UBR1: variants seen among roughly 807,000 people sequenced by gnomAD.
UBR1 encodes ubiquitin protein ligase E3 component n-recognin 1.
A neutral mutation model predicts 242.1 loss-of-function variants in UBR1; 102 were observed. The ratio of observed to expected loss-of-function variants is 0.42; its 90% CI spans 0.36 to 0.50. The LOEUF (loss-of-function observed/expected upper bound fraction) is 0.50, where lower values mean the gene tolerates loss of function less well. UBR1 is among the 20% of genes least tolerant of loss of function. The pLI, the probability that UBR1 is intolerant of heterozygous loss-of-function variation, is 0.01. For missense variants in UBR1, 1,772 were observed against 2,101.8 expected (o/e 0.84, Z 3.07); for synonymous variants, 675 against 684.8 (o/e 0.99, Z 0.22).
intron 14 of UBR1, among the ~76,000 whole-genome samples, chr15:43,044,171 C>A (rs546273363): frequency 6.8e-4 from 103 of 152,198 alleles, no homozygotes; most frequent in Non-Finnish European, 1.3e-3. Flanking sequence ...AGCATTTGAA[C>A]TGGAAATGTG....
At chr15:42,969,759 G>A (rs1275248572) in intron 40 of UBR1, among the ~76,000 whole-genome samples, 2 of 152,082 alleles carry the variant, frequency 1.3e-5, no homozygotes, top group Non-Finnish European at 2.9e-5. Flanking sequence ...TTGCTACAAA[G>A]AGAATACCTA....
chr15:43,066,232 C>T (rs1324353376), intron 6 of UBR1, among the ~76,000 whole-genome samples: 1 of 152,060 alleles, frequency 6.6e-6, no homozygotes, highest in African/African-American at 2.4e-5. Flanking sequence ...GAATCCTTTC[C>T]CCATTGCTTG....
intron 1 of UBR1, among the ~76,000 whole-genome samples, chr15:43,094,345 C>T (rs2034135976): frequency 6.6e-6 from 1 of 151,930 alleles, no homozygotes; most frequent in African/African-American, 2.4e-5. Flanking sequence ...AGGAGAATCG[C>T]TTGAACCTGG....
At position 43,024,953 on chromosome 15, in the gene UBR1, C is replaced by T; in HGVS notation, c.2615G>A (p.Cys872Tyr). ...GTTAATCACTTTGCTGAAAGCAGGG[C>T]AGAATTCAGGAGGTGGTGGTGGCGG... is the stretch of plus-strand genomic sequence containing the variant. ...ALPPPPPPEF[C>Y]PAFSKVINLL... Residue 872 changes from cysteine (C) to tyrosine (Y), a missense_variant, in exon 25 of 47, where the codon TGC (cysteine) becomes TAC (tyrosine). Coordinates refer to ENST00000290650, the MANE Select transcript of UBR1 (RefSeq NM_174916.3). The T allele has an allele frequency of 6.2e-7, 1 of 1,614,100 alleles. No homozygotes were observed. The highest frequency in any genetic ancestry group is 8.5e-7 in the Non-Finnish European group (1 of 1,180,020).
intron 12 of UBR1, among the ~76,000 whole-genome samples, 193 bp from the exon 13 acceptor site, chr15:43,048,684 C>T (rs1285254517): frequency 6.6e-6 from 1 of 152,152 alleles, no homozygotes; most frequent in Non-Finnish European, 1.5e-5. Flanking sequence ...CATGAATGCT[C>T]TAGAAGAGGC....
chr15:43,059,141 G>A lies in UBR1; in HGVS notation c.1037C>T (p.Ser346Leu), dbSNP rs201544896. Reference protein sequence around the residue: ...CQACLREEPDSENPCLISRLM... With the variant: ...CQACLREEPDLENPCLISRLM... ...CCTGCTTATGAGACAGGGATTCTCCGAGTCAGGTTCTTCTCTAAGGCATGC... is the reference window on the plus strand; with the variant it reads ...CCTGCTTATGAGACAGGGATTCTCCAAGTCAGGTTCTTCTCTAAGGCATGC... The change falls in exon 9 of 47, where the codon TCG (serine) becomes TTG (leucine). Residue 346 changes from serine to leucine, a missense_variant. Physicochemically the swap from Ser to Leu is moderately radical, Grantham distance 145 (BLOSUM62 -2). Transcript: ENST00000290650. 62 of 1,614,094 alleles carry A rather than the reference G, an allele frequency of 3.8e-5. No individual in the cohort carries two copies. The East Asian group carries it at 1.0e-3, about 27-fold the overall frequency.
intron 4 of UBR1, among the ~76,000 whole-genome samples, chr15:43,072,927 C>T (rs1316479477): frequency 6.6e-6 from 1 of 152,048 alleles, no homozygotes; most frequent in Non-Finnish European, 1.5e-5. Context: ...CTTTGGGAGG[C>T]CGAGGCAGAT....
At chr15:43,084,096 T>C (rs144517667) in intron 2 of UBR1, among the ~76,000 whole-genome samples, 2 of 152,220 alleles carry the variant, frequency 1.3e-5, no homozygotes, top group Non-Finnish European at 2.9e-5. Context: ...TAACAGGAAA[T>C]ATAGGTTGTC....
intron 18 of UBR1, 49 bp downstream of exon 18, chr15:43,036,479 C>A (rs1350710928): frequency 7.2e-7 from 1 of 1,393,514 alleles, no homozygotes; most frequent in East Asian, 2.3e-5. Context: ...AGAAAGAATT[C>A]AAGAAGGAAG....
At chr15:43,012,760 T>G (rs921296861) in intron 29 of UBR1, among the ~76,000 whole-genome samples, 1 of 152,240 alleles carries the variant, frequency 6.6e-6, no homozygotes, top group African/African-American at 2.4e-5. Context: ...AAAGCATACC[T>G]TCATATCTTT....
rs76172507 is a variant in UBR1 at position 43,105,976 on chromosome 15, G to A, written c.47C>T (p.Ala16Val). 1,311 of 1,614,002 alleles carry A rather than the reference G, an allele frequency of 8.1e-4. 20 individuals carry two copies. In the African/African-American group the frequency reaches 0.015, roughly 19 times the overall value. ...ACGCTGAGGGGTCTGGGGTAACTCCGCGCTGATTTCCATCCTCTCAGTACC... is the reference window on the plus strand; with the variant it reads ...ACGCTGAGGGGTCTGGGGTAACTCCACGCTGATTTCCATCCTCTCAGTACC... ...AGGTERMEISAELPQTPQRLA... is the reference protein window; with the variant it reads ...AGGTERMEISVELPQTPQRLA... Residue 16 changes from alanine (A) to valine (V), a missense_variant, in exon 1 of 47, where the codon GCG becomes GTG. Transcript: ENST00000290650.
chr15:43,083,523 G>A (rs1269695510), intron 2 of UBR1, among the ~76,000 whole-genome samples: 4 of 151,844 alleles, frequency 2.6e-5, no homozygotes, highest in African/African-American at 7.3e-5. Flanking sequence ...TGGGATTACA[G>A]GCATGCGCCA....
chr15:43,060,218 G>A (rs537352618), intron 6 of UBR1, 104 bp from the exon 7 acceptor site: 11 of 1,066,310 alleles, frequency 1.0e-5, no homozygotes, highest in Admixed American at 5.1e-5. Flanking sequence ...AGCTCTAATC[G>A]CGTGTTGACT....
chr15:42,986,929 C>T (rs1364293409), intron 35 of UBR1, among the ~76,000 whole-genome samples: 1 of 152,228 alleles, frequency 6.6e-6, no homozygotes, highest in Non-Finnish European at 1.5e-5. Context: ...CTGAGCCCAC[C>T]CTGAGGATCT....
At position 43,101,968 on chromosome 15, in the gene UBR1, C is replaced by CAAAAAAAAA. The variant is rs55875692; in HGVS notation, c.81+3965_81+3973dup. ...GGCGACAGAGAGAGACCTTGGCTCA[C>CAAAAAAAAA]AAAAAAAAAAAAAAAAAAAAAAAAA... On this transcript the variant is annotated intron_variant, in intron 1 of 46. Transcript: ENST00000290650. 8.4e-5 allele frequency among the ~76,000 whole-genome samples: 5 copies of CAAAAAAAAA among 59,642 alleles called. 1 individual carries two copies. Among genetic ancestry groups the CAAAAAAAAA allele is most frequent in the Non-Finnish European group, 1.1e-4 (4 of 36,558 alleles). The allele number at this position is 59,642 out of a possible 152,430, so 39.1% of individuals were successfully genotyped here. A position where few individuals can be genotyped will look rare whatever the true frequency, so the allele number is the denominator to read the frequency against.
intron 1 of UBR1, among the ~76,000 whole-genome samples, chr15:43,100,660 C>T (rs1945080597): frequency 6.6e-6 from 1 of 152,090 alleles, no homozygotes; most frequent in African/African-American, 2.4e-5. Context: ...CATGGTGAAA[C>T]CCCGTCTCTA....
At chr15:42,983,797 C>A in intron 37 of UBR1, 100 bp downstream of exon 37, 3 of 662,572 alleles carry the variant, frequency 4.5e-6, no homozygotes, top group South Asian at 9.0e-5. Context: ...AAAATTAGTG[C>A]AGTGTATGTT....
At position 42,984,798 on chromosome 15, in the gene UBR1, G is replaced by A. The variant is rs544759203; in HGVS notation, c.4053+89C>T. On this transcript the variant is annotated intron_variant, in intron 36 of 46. Coordinates refer to ENST00000290650, the MANE Select transcript of UBR1 (RefSeq NM_174916.3). ...AATTCTGCTAATTTTTACAGAAAAT[G>A]AGTAAAGATTTTTTGTTTTTAATAA... 3.1e-4 allele frequency: 368 copies of A among 1,188,812 alleles called. 1 individual carries two copies. Among genetic ancestry groups the A allele is most frequent in the Non-Finnish European group, 4.2e-4 (340 of 806,296 alleles). The allele number at this position is 1,188,812 out of a possible 1,614,324, so 73.6% of individuals were successfully genotyped here. A position where few individuals can be genotyped will look rare whatever the true frequency, so the allele number is the denominator to read the frequency against.
chr15:43,083,381 T>A (rs901362737), intron 2 of UBR1, among the ~76,000 whole-genome samples: 1 of 152,176 alleles, frequency 6.6e-6, no homozygotes, highest in Non-Finnish European at 1.5e-5. Context: ...TTATTATTTT[T>A]TTTTCTTTTG....
Sources: allele counts gnomAD v4.1 joint callset (sites outside exome capture counted in the v4.1 genomes callset), GRCh38; gene constraint gnomAD v4.1.1; transcripts MANE v1.5; gene names NCBI Gene and HGNC (gene_info 2026-07-23, HGNC 2026-07-21).